ATP13A1: variants seen among roughly 807,000 people sequenced by gnomAD.
ATP13A1 encodes ATPase 13A1, also known as endoplasmic reticulum transmembrane helix translocase.
In ATP13A1, 55 loss-of-function variants were observed where a neutral mutation model predicts 134.8. The ratio of observed to expected loss-of-function variants is 0.41; its 90% CI spans 0.33 to 0.51. ATP13A1 has a LOEUF of 0.51. Among genes scored for constraint, ATP13A1 ranks in the 20% least tolerant of loss-of-function variants. The pLI is 0.29. For missense variants in ATP13A1, 1,389 were observed against 1,652.8 expected (o/e 0.84, Z 2.77); for synonymous variants, 775 against 725.1 (o/e 1.07, Z -1.10).
rs1277344965 is a variant in ATP13A1 at position 19,655,126 on chromosome 19, C to T, written c.1648G>A (p.Gly550Arg). 4.3e-6 allele frequency: 7 copies of T among 1,613,822 alleles called. No homozygotes were observed. The highest frequency in any genetic ancestry group is 3.3e-5 in the Admixed American group (2 of 60,010). The change falls in exon 12 of 26, where the codon GGG becomes AGG. Residue 550 changes from glycine (G) to arginine (R), a missense_variant. Gly to Arg is a moderately radical substitution (Grantham distance 125). Coordinates refer to ENST00000357324, the MANE Select transcript of ATP13A1 (RefSeq NM_020410.3). The surrounding 1 kb of genome is among the most constrained non-coding windows in gnomAD (Gnocchi z 5.7). ...SDSLVVRGVA[G>R]LRDGKEVTPV... ...AGGGCCCCTGATGCTTACCTCAGCC[C>T]GGCCACACCGCGCACCACCAGGCTG...
At position 19,647,555 on chromosome 19, in the gene ATP13A1, C is replaced by T. The variant is rs925125554; in HGVS notation, c.2794-27G>A. The stretch of plus-strand genomic sequence containing the variant: ...TGCAGGGTAGACAGCAGGCTGTCAG[C>T]CCTGGCCAGGATGGGGTGCAGCACC... On this transcript the variant is annotated intron_variant, in intron 20 of 25. Transcript: ENST00000357324. The surrounding 1 kb of genome is among the most constrained non-coding windows in gnomAD (Gnocchi z 4.8). 3.1e-6 allele frequency: 5 copies of T among 1,612,218 alleles called. No homozygotes were observed. The highest frequency in any genetic ancestry group is 1.1e-5 in the South Asian group (1 of 90,866).
At chr19:19,651,858 A>T in intron 16 of ATP13A1, 61 bp from the exon 17 acceptor site, 1 of 1,349,828 alleles carries the variant, frequency 7.4e-7, no homozygotes, top group Non-Finnish European at 1.0e-6. Flanking sequence ...TAGGCCAGAG[A>T]CAAGGCTGCC....
Position 19,655,020 on chromosome 19 carries a change from G to A in ATP13A1, c.1655+99C>T. The A allele has an allele frequency of 3.8e-5, 57 of 1,519,766 alleles. No homozygotes were observed. The highest frequency in any genetic ancestry group is 4.9e-5 in the Non-Finnish European group (55 of 1,131,936). The allele number at this position is 1,519,766 out of a possible 1,614,324, so 94.1% of individuals were successfully genotyped here. On this transcript the variant is annotated intron_variant, in intron 12 of 25. Transcript: ENST00000357324. This position sits in a 1 kb window ranked among gnomAD's most constrained non-coding sequence, Gnocchi z 5.7. ...GAACCCGAGGCAGGGCCTCTGACGGGCCCTCACTGCAAGGGCTTGGGGTGG... is the reference window on the plus strand; with the variant it reads ...GAACCCGAGGCAGGGCCTCTGACGGACCCTCACTGCAAGGGCTTGGGGTGG...
chr19:19,646,807 C>CAGCCTGTCCTGTGT (rs1293779889), intron 22 of ATP13A1: 2 of 417,438 alleles, frequency 4.8e-6, no homozygotes, highest in Non-Finnish European at 8.7e-6. Context: ...AGCTGTCCAC[C>CAGCCTGTCCTGTGT]AGCCTGTCCT....
rs2062082557 is a variant in ATP13A1, at chr19:19,659,778, A to G, written c.500T>C (p.Leu167Pro). 1.2e-6 allele frequency: 2 copies of G among 1,613,728 alleles called. No homozygotes were observed. The highest frequency in any genetic ancestry group is 2.7e-5 in the African/African-American group (2 of 74,930). Residue 167 changes from leucine to proline, a missense_variant, in exon 3 of 26, where the codon CTT becomes CCT. Transcript: ENST00000357324. ...CTGGAATTCGAAGGACAGCACCTCA[A>G]GCCCGTCTTCGCCCTGCGGTAGAAG... ...ALHRNEGEDG[L>P]EVLSFEFQKI...
rs1238963759 is a variant in ATP13A1 at position 19,653,999 on chromosome 19, C to T, written c.1959G>A (p.Val653=). 2 of 1,598,448 alleles carry T rather than the reference C, an allele frequency of 1.3e-6. No homozygotes were observed. Among genetic ancestry groups the T allele is most frequent in the Middle Eastern group, 1.7e-4 (1 of 6,038 alleles). Residue 653 remains valine, a synonymous_variant, in exon 14 of 26, where the codon GTG becomes GTA. Transcript: ENST00000357324. This position sits in a 1 kb window ranked among gnomAD's most constrained non-coding sequence, Gnocchi z 4.2. The part of the protein sequence containing the change: ...GSTDLCYIAA[V]KGAPETLHSM... The stretch of plus-strand genomic sequence containing the variant: ...AGTGCAGAGTTTCGGGGGCCCCCTT[C>T]ACGGCCGCGATGTAGCAGAGGTCGG...
At position 19,655,583 on chromosome 19, in the gene ATP13A1, G is replaced by C. The variant is rs1307820815; in HGVS notation, c.1341C>G (p.Phe447Leu). The C allele has an allele frequency of 6.2e-7, 1 of 1,613,878 alleles. No individual in the cohort carries two copies. Among genetic ancestry groups the C allele is most frequent in the Non-Finnish European group, 8.5e-7 (1 of 1,179,882 alleles). ...TGGCAAACACCAGGAGGAAGAGGAT[G>C]AAGATGAAGGTCTCCAGGTTGTTCG... ...VTANNLETFI[F>L]ILFLLVFAIA... is the part of the protein sequence containing the mutation. Residue 447 changes from phenylalanine (F) to leucine (L), a missense_variant, in exon 10 of 26, where the codon TTC (phenylalanine) becomes TTG (leucine). Around this residue, in one of 4 missense-constraint regions of ATP13A1, gnomAD observed 747 missense variants for 956.1 expected, o/e 0.78. Transcript: ENST00000357324. The surrounding 1 kb of genome is among the most constrained non-coding windows in gnomAD (Gnocchi z 5.7).
chr19:19,654,807 G>C, intron 12 of ATP13A1, 107 bp from the exon 13 acceptor site: 1 of 1,340,454 alleles, frequency 7.5e-7, no homozygotes, highest in Non-Finnish European at 1.0e-6. Flanking sequence ...GCTTGTCACT[G>C]GGGTGGCTTG....
chr19:19,662,182 G>T (rs552830210), intron 1 of ATP13A1: 5 of 1,549,166 alleles, frequency 3.2e-6, no homozygotes, highest in East Asian at 2.4e-5. Flanking sequence ...AAGTTTGAGC[G>T]GTGCCACAGT....
At chr19:19,662,447 G>C (rs1466311120) in intron 1 of ATP13A1, 4 of 869,608 alleles carry the variant, frequency 4.6e-6, no homozygotes, top group Non-Finnish European at 5.5e-6. Flanking sequence ...GAATCAGAGG[G>C]GAAGCTTCCT....
Position 19,663,294 on chromosome 19 carries a change from G to C in ATP13A1, c.373C>G (p.His125Asp). 6.3e-7 allele frequency: 1 copy of C among 1,587,702 alleles called. No individual in the cohort carries two copies. The highest frequency in any genetic ancestry group is 8.6e-7 in the Non-Finnish European group (1 of 1,168,450). Reference protein sequence around the residue: ...VLSGHWSVHAHCALTCTPEYD... With the variant: ...VLSGHWSVHADCALTCTPEYD... ...ACCGGGGTGCAGGTGAGCGCGCAATGCGCGTGCACAGACCAATGCCCCGAG... is the reference window on the plus strand; with the variant it reads ...ACCGGGGTGCAGGTGAGCGCGCAATCCGCGTGCACAGACCAATGCCCCGAG... The change falls in exon 1 of 26, where the codon CAT becomes GAT. Residue 125 changes from histidine (H) to aspartate (D), a missense_variant. By Grantham distance (81) the His-to-Asp change is moderately conservative. Transcript: ENST00000357324.
intron 1 of ATP13A1, 82 bp downstream of exon 1, chr19:19,663,189 G>A: frequency 1.3e-6 from 2 of 1,541,328 alleles, no homozygotes; most frequent in African/African-American, 2.7e-5. Flanking sequence ...AGGTCGCGAT[G>A]GTGACCGACA....
intron 1 of ATP13A1, chr19:19,662,284 T>C: frequency 1.0e-6 from 1 of 985,420 alleles, no homozygotes; most frequent in Non-Finnish European, 1.2e-6. Context: ...CTGGGATAGA[T>C]AAGTCTTTTT....
intron 17 of ATP13A1, chr19:19,650,759 C>A: frequency 6.5e-6 from 1 of 152,808 alleles, no homozygotes; most frequent in Non-Finnish European, 1.5e-5. Flanking sequence ...GCTGCTCTGG[C>A]CCAGACCTGT....
At position 19,647,728 on chromosome 19, in the gene ATP13A1, C is replaced by G; in HGVS notation, c.2664G>C (p.Arg888=). 1 of 1,606,164 alleles carries G rather than the reference C, an allele frequency of 6.2e-7. No homozygotes were observed. The highest frequency in any genetic ancestry group is 1.7e-5 in the Admixed American group (1 of 59,522). The change falls in exon 20 of 26, where the codon CGG becomes CGC. Residue 888 remains arginine, a synonymous_variant. Transcript: ENST00000357324. The surrounding 1 kb of genome is among the most constrained non-coding windows in gnomAD (Gnocchi z 4.8). ...GGGGCCGCCGTCGCCGCTCGACAACCCGCTCAGGGGCATTGGCCAAGAGCG... is the reference window on the plus strand; with the variant it reads ...GGGGCCGCCGTCGCCGCTCGACAACGCGCTCAGGGGCATTGGCCAAGAGCG... ...GVALLANAPE[R]VVERRRRPRD...
At chr19:19,659,029 G>C (rs1164177632) in intron 3 of ATP13A1, among the ~76,000 whole-genome samples, 1 of 152,210 alleles carries the variant, frequency 6.6e-6, no homozygotes, top group Non-Finnish European at 1.5e-5. Context: ...TACACTCAAG[G>C]TCTCACACCC....
intron 1 of ATP13A1, among the ~76,000 whole-genome samples, chr19:19,661,141 C>CA (rs965505632): frequency 6.6e-6 from 1 of 152,018 alleles, no homozygotes; most frequent in African/African-American, 2.4e-5. Flanking sequence ...AAAACAACAA[C>CA]AAAAAAAGCT....
Position 19,653,784 on chromosome 19 carries a change from C to A in ATP13A1, c.2100G>T (p.Gln700His), listed in dbSNP as rs1235621847. The change falls in exon 15 of 26, where the codon CAG becomes CAT. Residue 700 changes from glutamine to histidine, a missense_variant and splice_region_variant. Around this residue, in one of 4 missense-constraint regions of ATP13A1, gnomAD observed 747 missense variants for 956.1 expected, o/e 0.78. Coordinates refer to ENST00000357324, the MANE Select transcript of ATP13A1 (RefSeq NM_020410.3). This position sits in a 1 kb window ranked among gnomAD's most constrained non-coding sequence, Gnocchi z 4.2. Reference sequence around the variant, plus strand: ...AGGCAGGGGGAGCCTGGGCCCGTACCTGCTGGTGAGTGAGGTGTCCCAGCT... The same window carrying A: ...AGGCAGGGGGAGCCTGGGCCCGTACATGCTGGTGAGTGAGGTGTCCCAGCT... ...YKELGHLTHQ[Q>H]AREVKREALE... The A allele has an allele frequency of 1.3e-6, 2 of 1,550,370 alleles. No individual in the cohort carries two copies.
intron 19 of ATP13A1, among the ~76,000 whole-genome samples, chr19:19,648,447 A>T (rs8105557): frequency 0.049 from 7,472 of 151,930 alleles, 634 homozygotes; most frequent in African/African-American, 0.17. Flanking sequence ...AAAAGCAAAA[A>T]AACCAACGTA....
Sources: allele counts gnomAD v4.1 joint callset (sites outside exome capture counted in the v4.1 genomes callset), GRCh38; gene constraint gnomAD v4.1.1; regional missense constraint gnomAD v4.1.1; non-coding constraint Gnocchi (gnomAD v3.1); transcripts MANE v1.5; gene names NCBI Gene and HGNC (gene_info 2026-07-23, HGNC 2026-07-21).